WDR12: variants seen among roughly 807,000 people sequenced by gnomAD.
WDR12 encodes the protein WD repeat domain 12.
WDR12 carries 42 observed loss-of-function variants against 64.3 expected under a neutral mutation model. The ratio of observed to expected loss-of-function variants is 0.65; its 90% confidence interval spans 0.51 to 0.84. The LOEUF (loss-of-function observed/expected upper bound fraction) is 0.84. Ranked by LOEUF, WDR12 falls within the 40% of genes least tolerant of loss-of-function variation. The pLI is 0.00. For missense variants in WDR12, 469 were observed against 494.6 expected, an observed-to-expected ratio of 0.95 and a Z score of 0.49; for synonymous variants, 158 against 173.3, an observed-to-expected ratio of 0.91 and a Z score of 0.70.
At chr2:202,880,975 T>C (rs918596737) in intron 12 of WDR12, 38 bp from the exon 13 acceptor site, 5 of 1,506,324 alleles carry the variant, frequency 3.3e-6, no homozygotes, top group Non-Finnish European at 3.6e-6. Flanking sequence ...AAAACATAAA[T>C]AAATATAATT....
At position 202,893,631 on chromosome 2, in the gene WDR12, G is replaced by A. The variant is rs1191466310; in HGVS notation, c.656-929C>T. On this transcript the variant is annotated intron_variant, in intron 7 of 12. Transcript: ENST00000261015. The stretch of plus-strand genomic sequence containing the variant: ...AAATGCATTTGGGGTATTATACTGT[G>A]TAACACAGCAATTACCTAAAAAGTA... Among the ~76,000 whole-genome samples, 2 of 152,130 alleles carry A rather than the reference G, an allele frequency of 1.3e-5. 1 individual carries two copies. Among genetic ancestry groups the A allele is most frequent in the East Asian group, 3.8e-4 (2 of 5,202 alleles).
chr2:202,899,469 A>G (rs1209440440), intron 4 of WDR12, 62 bp downstream of exon 4: 17 of 1,422,744 alleles, frequency 1.2e-5, no homozygotes, highest in Non-Finnish European at 1.7e-5. Flanking sequence ...ATATGGATTT[A>G]AAAAGACTGA....
intron 5 of WDR12, 100 bp downstream of exon 5, chr2:202,897,200 G>T: frequency 1.4e-6 from 1 of 717,972 alleles, no homozygotes. Context: ...TGAGGTATGA[G>T]ATACTTCCCA....
At chr2:202,909,782 A>ATTATTTATTTAT (rs368055241) in intron 1 of WDR12, among the ~76,000 whole-genome samples, 11,887 of 150,850 alleles carry the variant, frequency 0.079, 610 homozygotes, top group Non-Finnish European at 0.11. Flanking sequence ...CAAGAATTTT[A>ATTATTTATTTAT]TTATTTATTT....
In WDR12 at chr2:202,875,089, A is replaced by G. The variant is rs1687833823; in HGVS notation, c.*5771T>C. 6.6e-6 allele frequency: 1 copy of G among 152,162 alleles called. No individual in the cohort carries two copies. Among genetic ancestry groups the G allele is most frequent in the South Asian group, 2.1e-4 (1 of 4,832 alleles). 9.4% of individuals were successfully genotyped at this position (152,162 alleles called of 1,614,324 possible). A position where few individuals can be genotyped will look rare whatever the true frequency, so the allele number is the denominator to read the frequency against. On this transcript the variant is annotated 3_prime_UTR_variant, in exon 13 of 13. Coordinates refer to ENST00000261015, the MANE Select transcript of WDR12 (RefSeq NM_018256.4). ...ACTCAGATGTATGTCGCACAGCTCC[A>G]TTAATTGGTTACATACCTTCACACT...
chr2:202,888,562 G>GT (rs1443290594), intron 8 of WDR12, among the ~76,000 whole-genome samples: 32 of 152,246 alleles, frequency 2.1e-4, no homozygotes, highest in Admixed American at 1.8e-3. Flanking sequence ...AAAGACTATT[G>GT]TATGTTAATA....
intron 2 of WDR12, among the ~76,000 whole-genome samples, chr2:202,903,562 T>C (rs933859024): frequency 1.3e-5 from 2 of 152,032 alleles, no homozygotes; most frequent in African/African-American, 2.4e-5. Context: ...AGATGTCACA[T>C]TATCCTTGTT....
In WDR12 at chr2:202,895,846, A is replaced by C. The variant is rs115637047; in HGVS notation, c.609+219T>G. Among the ~76,000 whole-genome samples the C allele has an allele frequency of 0.014, 2,139 of 151,890 alleles. 19 individuals carry two copies. Among genetic ancestry groups the C allele is most frequent in the South Asian group, 0.028 (133 of 4,800 alleles). ...CGCCCGGCCCATACCTCATTTCTTAAAATTTCTGGAGTTTATATAAGGTTC... is the reference window on the plus strand; with the variant it reads ...CGCCCGGCCCATACCTCATTTCTTACAATTTCTGGAGTTTATATAAGGTTC... On this transcript the variant is annotated intron_variant, in intron 6 of 12. Transcript: ENST00000261015.
chr2:202,885,814 C>T (rs563034948), intron 8 of WDR12, among the ~76,000 whole-genome samples: 2 of 152,088 alleles, frequency 1.3e-5, no homozygotes, highest in Admixed American at 1.3e-4. Flanking sequence ...AGTCTCAACG[C>T]TTTGGGAGGC....
At chr2:202,899,702 T>C (rs1363369534) in intron 3 of WDR12, 65 bp from the exon 4 acceptor site, 9 of 1,400,530 alleles carry the variant, frequency 6.4e-6, no homozygotes, top group Non-Finnish European at 9.1e-6. Flanking sequence ...ATTATGAAGA[T>C]AACCCCCAAT....
chr2:202,911,526 C>G lies in WDR12; in HGVS notation c.-50G>C, dbSNP rs1019675559. ...CACGGAAACGTACGGGTTAGCAGACCCACAACACGAAGCTCCTGCCTTTTA... is the reference window on the plus strand; with the variant it reads ...CACGGAAACGTACGGGTTAGCAGACGCACAACACGAAGCTCCTGCCTTTTA... On this transcript the variant is annotated 5_prime_UTR_variant, in exon 1 of 13. Transcript: ENST00000261015. 4 of 1,571,804 alleles carry G rather than the reference C, an allele frequency of 2.5e-6. No homozygotes were observed. The highest frequency in any genetic ancestry group is 3.5e-6 in the Non-Finnish European group (4 of 1,141,700).
chr2:202,910,092 G>A (rs1402911749), intron 1 of WDR12, among the ~76,000 whole-genome samples: 2 of 152,076 alleles, frequency 1.3e-5, no homozygotes, highest in African/African-American at 2.4e-5. Context: ...CACAGCACTC[G>A]GCAAAGAATT....
rs11463463 is a variant in WDR12, at chr2:202,897,908, A to AAT, written c.339-495_339-494dup. ...CGTTTCAAAAAAAAAAAAAAAAAAA[A>AAT]ATATATATATATATATAAAAAATAT... is the stretch of plus-strand genomic sequence containing the variant. On this transcript the variant is annotated intron_variant, in intron 4 of 12. Transcript: ENST00000261015. 3.8e-3 allele frequency among the ~76,000 whole-genome samples: 151 copies of AAT among 40,054 alleles called. 1 individual carries two copies. The highest frequency in any genetic ancestry group is 0.011 in the East Asian group (14 of 1,220). The allele number at this position is 40,054 out of a possible 152,430, so 26.3% of individuals were successfully genotyped here. A position where few individuals can be genotyped will look rare whatever the true frequency, so the allele number is the denominator to read the frequency against.
intron 2 of WDR12, among the ~76,000 whole-genome samples, chr2:202,906,957 C>CT (rs1688468942): frequency 2.0e-5 from 3 of 148,516 alleles, no homozygotes; most frequent in Non-Finnish European, 4.5e-5. Flanking sequence ...CAAACTTCAA[C>CT]ATTTTTTTTT....
intron 2 of WDR12, among the ~76,000 whole-genome samples, chr2:202,904,874 G>C (rs938834009): frequency 4.6e-5 from 7 of 152,134 alleles, no homozygotes; most frequent in Non-Finnish European, 8.8e-5. Flanking sequence ...TTAACAAAGT[G>C]AAGAGACAAC....
intron 4 of WDR12, among the ~76,000 whole-genome samples, chr2:202,897,920 TATATAAAAA>T (rs1450739574): frequency 9.3e-4 from 119 of 128,270 alleles, no homozygotes; most frequent in Middle Eastern, 8.1e-3. Context: ...TATATATATA[TATATAAAAA>T]ATATATATCA....
chr2:202,902,568 A>C (rs1319743938), intron 2 of WDR12, among the ~76,000 whole-genome samples: 8 of 152,168 alleles, frequency 5.3e-5, no homozygotes, highest in Non-Finnish European at 1.2e-4. Flanking sequence ...TCAGGCCTTT[A>C]TCTTACTCCT....
intron 1 of WDR12, among the ~76,000 whole-genome samples, chr2:202,908,552 G>T (rs1322586896): frequency 6.6e-6 from 1 of 152,192 alleles, no homozygotes; most frequent in Non-Finnish European, 1.5e-5. Context: ...CAATAGCTAG[G>T]AGTTGTTAAA....
At position 202,877,558 on chromosome 2, in the gene WDR12, G is replaced by C. The variant is rs1208932334; in HGVS notation, c.*3302C>G. On this transcript the variant is annotated 3_prime_UTR_variant, in exon 13 of 13. Coordinates refer to ENST00000261015, the MANE Select transcript of WDR12 (RefSeq NM_018256.4). ...GACTGGGTGTGGTCCCAGCTACTTG[G>C]AAGGCTGAGGTGAGAGGCCAGCTTG... 1 of 152,010 alleles carries C rather than the reference G, an allele frequency of 6.6e-6. No homozygotes were observed. Among genetic ancestry groups the C allele is most frequent in the Non-Finnish European group, 1.5e-5 (1 of 68,022 alleles). The allele number at this position is 152,010 out of a possible 1,614,324, so 9.4% of individuals were successfully genotyped here. A position where few individuals can be genotyped will look rare whatever the true frequency, so the allele number is the denominator to read the frequency against.
Sources: gnomAD v4.1 joint callset for allele counts (sites outside exome capture counted in the v4.1 genomes callset) on GRCh38, gnomAD v4.1.1 for gene constraint, MANE v1.5 for transcripts, NCBI Gene and HGNC (gene_info 2026-07-23, HGNC 2026-07-21) for gene names.